The following PDSS2 variants were observed in gnomAD, a reference collection of about 807,000 sequenced individuals.
The protein encoded by PDSS2 is all trans-polyprenyl-diphosphate synthase PDSS2.
PDSS2 carries 31 observed loss-of-function variants against 44.5 expected under a neutral mutation model. That is an observed-to-expected ratio of 0.70 (90% CI 0.52 to 0.94). The LOEUF is 0.94. Among genes scored for constraint, PDSS2 ranks in the 40% least tolerant of loss-of-function variants. The pLI, the probability that PDSS2 is intolerant of heterozygous loss-of-function variation, is 0.00. For synonymous variants in PDSS2, 157 were observed against 180.3 expected (o/e 0.87, Z 1.03); for missense variants, 452 against 482.2 (o/e 0.94, Z 0.59).
At chr6:107,421,880 A>C (rs1490082510) in intron 1 of PDSS2, among the ~76,000 whole-genome samples, 1 of 151,734 alleles carries the variant, frequency 6.6e-6, no homozygotes, top group Non-Finnish European at 1.5e-5. Flanking sequence ...TAAGGTTTGT[A>C]GTTTAGTTGG....
At chr6:107,305,099 T>C (rs1026433748) in intron 2 of PDSS2, among the ~76,000 whole-genome samples, 1 of 152,150 alleles carries the variant, frequency 6.6e-6, no homozygotes, top group African/African-American at 2.4e-5. Context: ...GTTTTAGATA[T>C]TAGAACTATT....
At chr6:107,438,292 T>A (rs1015566475) in intron 1 of PDSS2, among the ~76,000 whole-genome samples, 1 of 152,150 alleles carries the variant, frequency 6.6e-6, no homozygotes, top group Non-Finnish European at 1.5e-5. Context: ...TACCACAACT[T>A]CCACCCCCAG....
At chr6:107,421,545 C>A (rs1780822950) in intron 1 of PDSS2, among the ~76,000 whole-genome samples, 3 of 152,026 alleles carry the variant, frequency 2.0e-5, no homozygotes, top group Admixed American at 2.0e-4. Context: ...AGGTGGATCA[C>A]AAGGACATTA....
intron 1 of PDSS2, among the ~76,000 whole-genome samples, chr6:107,406,241 T>C (rs528400779): frequency 5.3e-5 from 8 of 152,338 alleles, no homozygotes; most frequent in African/African-American, 1.7e-4. Flanking sequence ...TTTATGGCTA[T>C]ATCAAAAATT....
At chr6:107,301,099 T>C (rs1254315922) in intron 2 of PDSS2, among the ~76,000 whole-genome samples, 1 of 152,204 alleles carries the variant, frequency 6.6e-6, no homozygotes, top group Non-Finnish European at 1.5e-5. Context: ...TACAATTAAG[T>C]GAAGTGATGA....
intron 1 of PDSS2, among the ~76,000 whole-genome samples, chr6:107,392,387 T>A (rs897850081): frequency 7.2e-5 from 11 of 152,254 alleles, no homozygotes; most frequent in Admixed American, 5.9e-4. Flanking sequence ...GCTTTAAAAA[T>A]TTTTTTAAAA....
chr6:107,251,184 A>G (rs369824384), intron 3 of PDSS2, among the ~76,000 whole-genome samples: 1 of 152,218 alleles, frequency 6.6e-6, no homozygotes, highest in African/African-American at 2.4e-5. Flanking sequence ...AATGTAAACT[A>G]TAAGGTAACA....
At chr6:107,300,528 C>G (rs1310769961) in intron 2 of PDSS2, among the ~76,000 whole-genome samples, 3 of 152,114 alleles carry the variant, frequency 2.0e-5, no homozygotes, top group Non-Finnish European at 4.4e-5. Context: ...CAGCTCACAC[C>G]CAACCCATCA....
chr6:107,306,678 A>G (rs1351210289), intron 2 of PDSS2, among the ~76,000 whole-genome samples: 2 of 152,198 alleles, frequency 1.3e-5, no homozygotes, highest in Non-Finnish European at 2.9e-5. Flanking sequence ...ATGCAGATGT[A>G]TTATTATACA....
chr6:107,245,766 T>C (rs1437848855), intron 3 of PDSS2, 147 bp from the exon 4 acceptor site: 1 of 523,486 alleles, frequency 1.9e-6, no homozygotes, highest in Non-Finnish European at 3.3e-6. Flanking sequence ...TCTCAGCAAA[T>C]GGCATTGCCC....
intron 1 of PDSS2, among the ~76,000 whole-genome samples, chr6:107,426,896 CA>C (rs1464622083): frequency 2.0e-5 from 3 of 152,122 alleles, no homozygotes; most frequent in African/African-American, 7.2e-5. Flanking sequence ...TTTGATTTTA[CA>C]GGTTCATAGA....
chr6:107,415,524 T>C (rs80136427), intron 1 of PDSS2, among the ~76,000 whole-genome samples: 5,754 of 152,106 alleles, frequency 0.038, 355 homozygotes, highest in African/African-American at 0.13. Context: ...GCAGAATCAG[T>C]AGATTCAACT....
intron 2 of PDSS2, among the ~76,000 whole-genome samples, chr6:107,283,129 G>A (rs935544074): frequency 6.6e-6 from 1 of 151,400 alleles, no homozygotes; most frequent in African/African-American, 2.4e-5. Flanking sequence ...GACCAGCCTG[G>A]GCAACATAGG....
intron 2 of PDSS2, among the ~76,000 whole-genome samples, chr6:107,292,728 CA>C (rs1253226439): frequency 2.6e-5 from 4 of 152,228 alleles, no homozygotes; most frequent in Non-Finnish European, 5.9e-5. Context: ...TTGATACTGT[CA>C]ACACATAATT....
intron 1 of PDSS2, among the ~76,000 whole-genome samples, chr6:107,457,616 G>C (rs998259818): frequency 3.3e-5 from 5 of 152,218 alleles, no homozygotes; most frequent in Admixed American, 6.5e-5. Context: ...ATGTCCTCAG[G>C]GGGGGAAAAT....
At chr6:107,216,106 C>T (rs538420510) in intron 4 of PDSS2, among the ~76,000 whole-genome samples, 1 of 146,878 alleles carries the variant, frequency 6.8e-6, no homozygotes, top group Admixed American at 6.8e-5. Flanking sequence ...CACTGCACTC[C>T]AGCCTGGGCA....
chr6:107,261,810 C>T (rs991788691), intron 3 of PDSS2, among the ~76,000 whole-genome samples: 3 of 150,784 alleles, frequency 2.0e-5, no homozygotes, highest in Admixed American at 1.3e-4. Flanking sequence ...AACTCCTGAC[C>T]TCAGGTGATC....
chr6:107,165,217 T>C (rs1771298618), intron 7 of PDSS2, among the ~76,000 whole-genome samples: 1 of 152,182 alleles, frequency 6.6e-6, no homozygotes, highest in African/African-American at 2.4e-5. Flanking sequence ...GCTTTTGGTG[T>C]TTTAGACATG....
At chr6:107,225,395 C>T (rs1196931886) in intron 4 of PDSS2, among the ~76,000 whole-genome samples, 1 of 151,426 alleles carries the variant, frequency 6.6e-6, no homozygotes, top group Non-Finnish European at 1.5e-5. Context: ...TTGTGATCTG[C>T]CTGCCTTGGC....
Sources: allele counts gnomAD v4.1 joint callset (sites outside exome capture counted in the v4.1 genomes callset), GRCh38; gene constraint gnomAD v4.1.1; transcripts MANE v1.5; gene names NCBI Gene and HGNC (gene_info 2026-07-23, HGNC 2026-07-21).